TAMM41: variants seen among roughly 807,000 people sequenced by gnomAD.
TAMM41 encodes the protein phosphatidate cytidylyltransferase, mitochondrial.
TAMM41 carries 36 observed loss-of-function variants against 44.1 expected under a neutral mutation model. The ratio of observed to expected loss-of-function variants is 0.82; its 90% CI spans 0.63 to 1.08. The LOEUF is 1.08. TAMM41 is among the 50% of genes least tolerant of loss of function. The probability of loss-of-function intolerance (pLI) is 0.00; values close to 1 mark genes in which losing one functional copy is unlikely to be tolerated. For synonymous variants in TAMM41, 164 were observed against 153.1 expected, an observed-to-expected ratio of 1.07 and a Z score of -0.53; for missense variants, 417 against 404.3, an observed-to-expected ratio of 1.03 and a Z score of -0.27.
chr3:11,789,912 A>G (rs2077443431), downstream of TAMM41, among the ~76,000 whole-genome samples: 1 of 152,042 alleles, frequency 6.6e-6, no homozygotes, highest in Non-Finnish European at 1.5e-5. Flanking sequence ...TGTTCAAGGC[A>G]CTCTGCAGTG....
chr3:11,760,939 G>C, the TAMM41 span, among the ~76,000 whole-genome samples: 1 of 151,942 alleles, frequency 6.6e-6, no homozygotes, highest in South Asian at 2.1e-4. Context: ...GGCCGAGGTG[G>C]GCAGATCATG....
chr3:11,817,163 A>C, intron 5 of TAMM41, 29 bp downstream of exon 5: 1 of 1,595,252 alleles, frequency 6.3e-7, no homozygotes, highest in Non-Finnish European at 8.6e-7. Flanking sequence ...TCTTAGAAAC[A>C]ATACAAGCTA....
intron 4 of TAMM41, among the ~76,000 whole-genome samples, chr3:11,828,580 TCA>T (rs1232726774): frequency 8.5e-5 from 13 of 152,198 alleles, no homozygotes; most frequent in South Asian, 2.1e-4. Context: ...CTTCCTTTGC[TCA>T]CACAGTGTGC....
the TAMM41 span, among the ~76,000 whole-genome samples, chr3:11,756,413 G>A: frequency 3.9e-5 from 6 of 152,164 alleles, no homozygotes; most frequent in East Asian, 1.9e-4. Context: ...TGACCTTCAC[G>A]AGCTGTTTTC....
In TAMM41 at chr3:11,809,522, C is replaced by T. The variant is rs770113705; in HGVS notation, c.869G>A (p.Arg290Gln). The change falls in exon 6 of 8, where the codon CGA (arginine) becomes CAA (glutamine). Residue 290 changes from arginine (R) to glutamine (Q), a missense_variant. Transcript: ENST00000455809. ...CATCAAATTCATAAACGTACCTAGT[C>T]GCACCACATCTCCACAGTCGGGATC... ...AHDPDCGDVV[R>Q]LGLSAIVRPS... 4.4e-5 allele frequency: 71 copies of T among 1,613,550 alleles called. No homozygotes were observed. In the Admixed American group the frequency reaches 4.8e-4, roughly 11 times the overall value.
chr3:11,808,022 G>T, intron 6 of TAMM41, 127 bp from the exon 7 acceptor site: 1 of 1,424,504 alleles, frequency 7.0e-7, no homozygotes, highest in Non-Finnish European at 9.2e-7. Flanking sequence ...ATCTATCTCT[G>T]TCCTGCTGTC....
At chr3:11,806,388 C>T (rs2077910224) in intron 7 of TAMM41, among the ~76,000 whole-genome samples, 1 of 151,990 alleles carries the variant, frequency 6.6e-6, no homozygotes, top group Admixed American at 6.6e-5. Context: ...ACTTTGTCCT[C>T]CAAAGAGATG....
chr3:11,784,796 CTTTTTTT>C, the TAMM41 span, among the ~76,000 whole-genome samples: 7 of 109,006 alleles, frequency 6.4e-5, no homozygotes, highest in African/African-American at 1.1e-4. Flanking sequence ...CTTTTCTTTT[CTTTTTTT>C]TTTTTTTTTT....
chr3:11,761,329 A>AC, the TAMM41 span, among the ~76,000 whole-genome samples: 1 of 152,004 alleles, frequency 6.6e-6, no homozygotes, highest in Admixed American at 6.6e-5. Flanking sequence ...TCTTGAGGGC[A>AC]CTTTTCCCCT....
At chr3:11,794,976 G>C (rs1165781233) in intron 7 of TAMM41, among the ~76,000 whole-genome samples, 1 of 152,190 alleles carries the variant, frequency 6.6e-6, no homozygotes, top group African/African-American at 2.4e-5. Context: ...AGGCTTAAGT[G>C]ATAAGCAAAT....
the TAMM41 span, among the ~76,000 whole-genome samples, chr3:11,757,882 G>A: frequency 6.6e-5 from 10 of 152,188 alleles, no homozygotes; most frequent in Admixed American, 6.5e-5. Context: ...GTTGGTGAAT[G>A]AGAATAGCAG....
chr3:11,789,649 G>A (rs1215405461), downstream of TAMM41, among the ~76,000 whole-genome samples: 1 of 152,270 alleles, frequency 6.6e-6, no homozygotes, highest in Admixed American at 6.5e-5. Context: ...TCTGGGATGG[G>A]CATGGCACCC....
Position 11,844,100 on chromosome 3 carries a change from T to A in TAMM41, c.247A>T (p.Ile83Phe). 6.2e-7 allele frequency: 1 copy of A among 1,614,226 alleles called. No homozygotes were observed. The highest frequency in any genetic ancestry group is 1.1e-5 in the South Asian group (1 of 91,086). ...TAGTTATTCTGGATGGACGTGATAATCTTGGGCCCTAAAACTTTTAGGAAA... is the reference window on the plus strand; with the variant it reads ...TAGTTATTCTGGATGGACGTGATAAACTTGGGCCCTAAAACTTTTAGGAAA... The part of the protein sequence containing the change: ...YSFLKVLGPK[I>F]ITSIQNNYGA... The change falls in exon 2 of 8, where the codon ATT becomes TTT. Residue 83 changes from isoleucine (I) to phenylalanine (F), a missense_variant. By Grantham distance (21) the Ile-to-Phe change is conservative (BLOSUM62 0). Coordinates refer to ENST00000455809, the MANE Select transcript of TAMM41 (RefSeq NM_001284401.2).
chr3:11,775,745 G>A, the TAMM41 span, among the ~76,000 whole-genome samples: 1 of 152,200 alleles, frequency 6.6e-6, no homozygotes, highest in African/African-American at 2.4e-5. Context: ...AGAAAACGTG[G>A]GGTGTGTTTA....
rs552291359 is a variant in TAMM41 at position 11,818,119 on chromosome 3, G to A, written c.563-782C>T. ...TGAAATCACAAGAGGCTGGACACAC[G>A]CAGAACCTTCTGAGTCAAGCGTGGT... On this transcript the variant is annotated intron_variant, in intron 4 of 7. Transcript: ENST00000455809. Among the ~76,000 whole-genome samples, 15 of 152,320 alleles carry A rather than the reference G, an allele frequency of 9.8e-5. No individual in the cohort carries two copies. The East Asian group carries it at 2.5e-3, about 25-fold the overall frequency.
At chr3:11,804,996 CTTTTTTTTTT>C (rs1156555980) in intron 7 of TAMM41, among the ~76,000 whole-genome samples, 2 of 103,082 alleles carry the variant, frequency 1.9e-5, no homozygotes, top group African/African-American at 8.2e-5. Context: ...ACGCCCAGCC[CTTTTTTTTTT>C]TTTTTTTTTT....
the TAMM41 span, among the ~76,000 whole-genome samples, chr3:11,781,247 GGACAGT>G: frequency 6.6e-6 from 1 of 152,076 alleles, no homozygotes; most frequent in Admixed American, 6.5e-5. Flanking sequence ...AAGGAGTTGG[GGACAGT>G]GAAATTCAAG....
chr3:11,834,704 G>A (rs1235467820), intron 3 of TAMM41, among the ~76,000 whole-genome samples: 1 of 152,056 alleles, frequency 6.6e-6, no homozygotes. Context: ...ATATATATTT[G>A]GAGACATGGT....
In TAMM41 at chr3:11,846,846, A is replaced by G; in HGVS notation, c.-210T>C. 1 of 610,220 alleles carries G rather than the reference A, an allele frequency of 1.6e-6. No individual in the cohort carries two copies. Among genetic ancestry groups the G allele is most frequent in the South Asian group, 2.0e-5 (1 of 50,668 alleles). 37.8% of individuals were successfully genotyped at this position (610,220 alleles called of 1,614,324 possible). On this transcript the variant is annotated 5_prime_UTR_variant, in exon 1 of 8. Transcript: ENST00000455809. Reference sequence around the variant, plus strand: ...AGCGGCGAGAAGACGCAGCCCAGATAGGCTCGGGTGGGCGGCGGTCGCACA... The same window carrying G: ...AGCGGCGAGAAGACGCAGCCCAGATGGGCTCGGGTGGGCGGCGGTCGCACA...
Sources: gnomAD v4.1 joint callset for allele counts (sites outside exome capture counted in the v4.1 genomes callset) on GRCh38, gnomAD v4.1.1 for gene constraint, MANE v1.5 for transcripts, NCBI Gene and HGNC (gene_info 2026-07-23, HGNC 2026-07-21) for gene names.